The following SNTG1 variants were observed in gnomAD, a reference collection of about 807,000 sequenced individuals.
SNTG1 encodes the protein syntrophin gamma 1, also known as gamma-1-syntrophin.
A neutral mutation model predicts 74.7 loss-of-function variants in SNTG1; 39 were observed. The observed-to-expected ratio is 0.52, with a 90% CI of 0.40 to 0.68. The LOEUF is 0.68. SNTG1 is among the 30% of genes least tolerant of loss of function. The pLI is 0.00. For missense variants in SNTG1, 685 were observed against 609.5 expected, an observed-to-expected ratio of 1.12 and a Z score of -1.30; for synonymous variants, 254 against 217.1, an observed-to-expected ratio of 1.17 and a Z score of -1.49.
At chr8:50,408,917 A>C (rs2092913707) in intron 4 of SNTG1, among the ~76,000 whole-genome samples, 1 of 152,180 alleles carries the variant, frequency 6.6e-6, no homozygotes, top group Non-Finnish European at 1.5e-5. Flanking sequence ...TTGCTTCACA[A>C]AATCTCTAGA....
chr8:50,753,787 G>T (rs1223593881), intron 18 of SNTG1, among the ~76,000 whole-genome samples: 1 of 150,846 alleles, frequency 6.6e-6, no homozygotes. Context: ...AGTAATTATG[G>T]AATAGAAAAA....
At chr8:49,975,987 T>A (rs1445202675) in intron 1 of SNTG1, among the ~76,000 whole-genome samples, 1 of 152,198 alleles carries the variant, frequency 6.6e-6, no homozygotes, top group Non-Finnish European at 1.5e-5. Flanking sequence ...CAAACTACAT[T>A]TGCTCCCTGA....
At chr8:50,346,421 G>C (rs1339163654) in intron 2 of SNTG1, among the ~76,000 whole-genome samples, 1 of 152,120 alleles carries the variant, frequency 6.6e-6, no homozygotes, top group African/African-American at 2.4e-5. Context: ...CCACCAACCA[G>C]CCATTCCTCT....
intron 16 of SNTG1, among the ~76,000 whole-genome samples, chr8:50,705,301 A>T (rs1209932301): frequency 6.9e-6 from 1 of 145,776 alleles, no homozygotes; most frequent in Non-Finnish European, 1.5e-5. Flanking sequence ...CTCACTTTTG[A>T]ACACAATATA....
At chr8:50,533,822 G>T (rs1231552493) in intron 10 of SNTG1, among the ~76,000 whole-genome samples, 2 of 152,076 alleles carry the variant, frequency 1.3e-5, no homozygotes, top group African/African-American at 4.8e-5. Flanking sequence ...GATGCCACAA[G>T]AAAGAATGTC....
chr8:50,739,598 T>C (rs1043055567), intron 17 of SNTG1, among the ~76,000 whole-genome samples: 1 of 151,576 alleles, frequency 6.6e-6, no homozygotes, highest in Admixed American at 6.6e-5. Flanking sequence ...AGGGATAGCA[T>C]TACGAGAAAA....
intron 2 of SNTG1, among the ~76,000 whole-genome samples, chr8:50,243,956 AT>A (rs2086277722): frequency 6.6e-6 from 1 of 152,156 alleles, no homozygotes. Context: ...ATATTAGACC[AT>A]TCTTGCATTG....
At chr8:50,393,346 A>T (rs1466490037) in intron 2 of SNTG1, among the ~76,000 whole-genome samples, 1 of 152,200 alleles carries the variant, frequency 6.6e-6, no homozygotes, top group African/African-American at 2.4e-5. Flanking sequence ...CCAAAGAAAG[A>T]TATAATAGTT....
intron 1 of SNTG1, among the ~76,000 whole-genome samples, chr8:50,038,069 C>A (rs929720821): frequency 1.3e-5 from 2 of 152,152 alleles, no homozygotes; most frequent in South Asian, 4.1e-4. Flanking sequence ...TCCACCTCAG[C>A]CTTGTTCTTT....
intron 1 of SNTG1, among the ~76,000 whole-genome samples, chr8:50,146,750 T>C (rs1428140036): frequency 6.6e-6 from 1 of 152,192 alleles, no homozygotes; most frequent in African/African-American, 2.4e-5. Context: ...TTCTAAAAAT[T>C]ATGTAGTGGC....
intron 1 of SNTG1, among the ~76,000 whole-genome samples, chr8:49,986,752 A>C (rs1022875219): frequency 1.3e-5 from 2 of 149,448 alleles, no homozygotes; most frequent in Non-Finnish European, 3.0e-5. Context: ...GTTGTGGTGC[A>C]TGCCTGTAGT....
At position 50,509,523 on chromosome 8, in the gene SNTG1, C is replaced by T. The variant is rs577108746; in HGVS notation, c.466+6643C>T. 3.0e-3 allele frequency among the ~76,000 whole-genome samples: 451 copies of T among 152,238 alleles called. 4 individuals are homozygous for T. Among genetic ancestry groups the T allele is most frequent in the African/African-American group, 0.01 (416 of 41,534 alleles). On this transcript the variant is annotated intron_variant, in intron 9 of 18. Transcript: ENST00000642720. ...ACCTTGGGCAGTATGGCCATTTTCACGATATTGATTCTTCCTACCCATGAG... is the reference window on the plus strand; with the variant it reads ...ACCTTGGGCAGTATGGCCATTTTCATGATATTGATTCTTCCTACCCATGAG...
chr8:50,401,210 A>T (rs75918712), intron 3 of SNTG1, among the ~76,000 whole-genome samples: 6,787 of 152,270 alleles, frequency 0.045, 209 homozygotes, highest in Middle Eastern at 0.071. Flanking sequence ...CAAAGTGGTC[A>T]TTATTCCTAT....
chr8:50,068,762 T>A (rs1348439673), intron 1 of SNTG1, among the ~76,000 whole-genome samples: 1 of 152,180 alleles, frequency 6.6e-6, no homozygotes, highest in African/African-American at 2.4e-5. Flanking sequence ...ATATACTCTG[T>A]GGCTGCTGTT....
At position 50,545,807 on chromosome 8, in the gene SNTG1, G is replaced by A. The variant is rs913818521; in HGVS notation, c.681-7243G>A. 2.6e-5 allele frequency among the ~76,000 whole-genome samples: 4 copies of A among 152,212 alleles called. No homozygotes were observed. In the South Asian group the frequency reaches 8.3e-4, roughly 32 times the overall value. ...AGACGTTTCAGATGGTGACAGGTTTGGCACTGGTGGATGAAATTTAGTATC... is the reference window on the plus strand; with the variant it reads ...AGACGTTTCAGATGGTGACAGGTTTAGCACTGGTGGATGAAATTTAGTATC... On this transcript the variant is annotated intron_variant, in intron 11 of 18. Coordinates refer to ENST00000642720, the MANE Select transcript of SNTG1 (RefSeq NM_018967.5).
At chr8:50,762,625 G>A in intron 18 of SNTG1, 1 of 427,756 alleles carries the variant, frequency 2.3e-6, no homozygotes, top group Admixed American at 2.4e-5. Flanking sequence ...CTCCCCAGGT[G>A]ATGCCTTTGT....
Position 49,987,857 on chromosome 8 carries a change from C to T in SNTG1, c.-103+75626C>T, listed in dbSNP as rs1206099511. ...TAGAGCCGGGGTTTCACCGTGTTAG[C>T]CAGGATGGTCAAAATCTCCTGACCT... On this transcript the variant is annotated intron_variant, in intron 1 of 18. Coordinates refer to ENST00000642720, the MANE Select transcript of SNTG1 (RefSeq NM_018967.5). Among the ~76,000 whole-genome samples the T allele has an allele frequency of 2.6e-5, 4 of 152,036 alleles. No homozygotes were observed. The East Asian group carries it at 7.8e-4, about 30-fold the overall frequency.
At chr8:50,605,173 T>C (rs146618455) in intron 13 of SNTG1, among the ~76,000 whole-genome samples, 1 of 151,972 alleles carries the variant, frequency 6.6e-6, no homozygotes, top group Non-Finnish European at 1.5e-5. Flanking sequence ...AATGAAGGAG[T>C]CACTTTCATT....
intron 2 of SNTG1, among the ~76,000 whole-genome samples, chr8:50,303,067 TTTAAA>T (rs1160496653): frequency 1.3e-5 from 2 of 152,208 alleles, no homozygotes; most frequent in African/African-American, 4.8e-5. Flanking sequence ...TTAAAAAACA[TTTAAA>T]TTAATTATAT....
Sources: allele counts gnomAD v4.1 joint callset (sites outside exome capture counted in the v4.1 genomes callset), GRCh38; gene constraint gnomAD v4.1.1; transcripts MANE v1.5; gene names NCBI Gene and HGNC (gene_info 2026-07-23, HGNC 2026-07-21).